The following MALT1 variants were observed in gnomAD, a reference collection of about 807,000 sequenced individuals.
The protein encoded by MALT1 is mucosa-associated lymphoid tissue lymphoma translocation protein 1.
Under a neutral mutation model 85.5 loss-of-function variants are expected in MALT1, and 36 were observed. The ratio of observed to expected loss-of-function variants is 0.42; its 90% CI spans 0.32 to 0.56. The LOEUF is 0.56. Ranked by LOEUF, MALT1 falls within the 20% of genes least tolerant of loss-of-function variation. The probability of loss-of-function intolerance (pLI) is 0.10; values close to 1 mark genes in which losing one functional copy is unlikely to be tolerated. For missense variants in MALT1, 716 were observed against 981.6 expected (o/e 0.73, Z 3.62); for synonymous variants, 359 against 361.3 (o/e 0.99, Z 0.07).
In MALT1 at chr18:58,753,729, T is replaced by C. The variant is rs1266287044; in HGVS notation, c.*5887T>C. 1 of 152,246 alleles carries C rather than the reference T, an allele frequency of 6.6e-6. No homozygotes were observed. Among genetic ancestry groups the C allele is most frequent in the African/African-American group, 2.4e-5 (1 of 41,474 alleles). 9.4% of individuals were successfully genotyped at this position (152,246 alleles called of 1,614,324 possible). A position where few individuals can be genotyped will look rare whatever the true frequency, so the allele number is the denominator to read the frequency against. ...TTTTACACAGTGAACAATGACTGTA[T>C]AATTTTAAAATACAGATATGCACAA... is the stretch of plus-strand genomic sequence containing the variant. On this transcript the variant is annotated 3_prime_UTR_variant, in exon 17 of 17. Coordinates refer to ENST00000649217, the MANE Select transcript of MALT1 (RefSeq NM_006785.4).
chr18:58,745,175 TG>T (rs201534704), intron 15 of MALT1, among the ~76,000 whole-genome samples: 1 of 152,188 alleles, frequency 6.6e-6, no homozygotes, highest in African/African-American at 2.4e-5. Context: ...CTGAGCAAGC[TG>T]GGGGCCTGTG....
intron 13 of MALT1, among the ~76,000 whole-genome samples, chr18:58,740,323 A>G (rs77267911): frequency 0.055 from 8,437 of 152,036 alleles, 242 homozygotes; most frequent in East Asian, 0.071. Context: ...ATTGTTTTCT[A>G]CATCATTAAC....
chr18:58,732,236 G>T (rs772703668), intron 10 of MALT1, among the ~76,000 whole-genome samples: 1 of 152,080 alleles, frequency 6.6e-6, no homozygotes, highest in African/African-American at 2.4e-5. Flanking sequence ...CAAGCAGAGG[G>T]GAGGATATCT....
intron 4 of MALT1, among the ~76,000 whole-genome samples, chr18:58,707,397 T>A (rs1484839944): frequency 6.6e-6 from 1 of 152,026 alleles, no homozygotes; most frequent in Non-Finnish European, 1.5e-5. Context: ...TGGTTTATTT[T>A]AGAAATGTGA....
rs548153856 is a variant in MALT1 at position 58,717,050 on chromosome 18, G to T, written c.1018+1083G>T. 2.0e-4 allele frequency among the ~76,000 whole-genome samples: 31 copies of T among 152,220 alleles called. No individual in the cohort carries two copies. In the East Asian group the frequency reaches 4.2e-3, roughly 21 times the overall value. On this transcript the variant is annotated intron_variant, in intron 9 of 16. Transcript: ENST00000649217. Reference sequence around the variant, plus strand: ...GTTTTTTGTTTCTAAGTAATTAGGCGTAGTAATATGCTTAAAAGATTGAGG... The same window carrying T: ...GTTTTTTGTTTCTAAGTAATTAGGCTTAGTAATATGCTTAAAAGATTGAGG...
chr18:58,714,679 A>G (rs865960306), intron 8 of MALT1, among the ~76,000 whole-genome samples: 1 of 152,076 alleles, frequency 6.6e-6, no homozygotes, highest in African/African-American at 2.4e-5. Context: ...TTTAATTAGA[A>G]CAGATTTCTA....
intron 9 of MALT1, among the ~76,000 whole-genome samples, chr18:58,720,207 T>C (rs1212020481): frequency 1.3e-5 from 2 of 152,244 alleles, no homozygotes; most frequent in African/African-American, 4.8e-5. Context: ...AGAAAAACTC[T>C]TTCATTTATG....
rs1452799475 is a variant in MALT1 at position 58,748,022 on chromosome 18, T to A, written c.*180T>A. ...AAATTACATTATTTAATTACAGACT[T>A]CCTCTTTCTAAGATTTTGTGAATTG... is the stretch of plus-strand genomic sequence containing the variant. On this transcript the variant is annotated 3_prime_UTR_variant, in exon 17 of 17. Transcript: ENST00000649217. 1.7e-6 allele frequency: 1 copy of A among 582,066 alleles called. No homozygotes were observed. The highest frequency in any genetic ancestry group is 2.9e-5 in the East Asian group (1 of 34,714). 36.1% of individuals were successfully genotyped at this position (582,066 alleles called of 1,614,324 possible). A position where few individuals can be genotyped will look rare whatever the true frequency, so the allele number is the denominator to read the frequency against.
chr18:58,724,045 T>A (rs1472352007), intron 10 of MALT1, among the ~76,000 whole-genome samples: 1 of 152,206 alleles, frequency 6.6e-6, no homozygotes, highest in Non-Finnish European at 1.5e-5. Flanking sequence ...AAGTGACATT[T>A]CCAGGCCTGT....
At chr18:58,729,484 C>A (rs1158535151) in intron 10 of MALT1, among the ~76,000 whole-genome samples, 2 of 107,418 alleles carry the variant, frequency 1.9e-5, no homozygotes, top group Non-Finnish European at 4.0e-5. Flanking sequence ...AGTGAAACTC[C>A]GTCTCAAAAA....
intron 9 of MALT1, among the ~76,000 whole-genome samples, chr18:58,716,362 G>T (rs1420761757): frequency 6.6e-6 from 1 of 152,218 alleles, no homozygotes. Context: ...AAAGAGAAAA[G>T]AATTTAGGAT....
chr18:58,683,779 T>C (rs376215947), intron 2 of MALT1, among the ~76,000 whole-genome samples: 1 of 152,352 alleles, frequency 6.6e-6, no homozygotes. Flanking sequence ...CTGATGATAT[T>C]TGGCTTACAG....
rs1285215406 is a variant in MALT1 at position 58,748,302 on chromosome 18, G to A, written c.*460G>A. The A allele has an allele frequency of 1.9e-5, 4 of 210,982 alleles. No individual in the cohort carries two copies. The highest frequency in any genetic ancestry group is 9.1e-5 in the African/African-American group (4 of 43,910). 13.1% of individuals were successfully genotyped at this position (210,982 alleles called of 1,614,324 possible). ...CTGAGACCTCCAGAAATCTATTCCA[G>A]TATTTTTTCCACTACACAACTGCCT... On this transcript the variant is annotated 3_prime_UTR_variant, in exon 17 of 17. Coordinates refer to ENST00000649217, the MANE Select transcript of MALT1 (RefSeq NM_006785.4).
At chr18:58,685,557 C>T (rs1335613798) in intron 2 of MALT1, among the ~76,000 whole-genome samples, 1 of 152,154 alleles carries the variant, frequency 6.6e-6, no homozygotes, top group Non-Finnish European at 1.5e-5. Context: ...GTGATGAGGA[C>T]CCAGCTTCAG....
intron 3 of MALT1, among the ~76,000 whole-genome samples, chr18:58,699,841 C>G (rs917313036): frequency 6.6e-6 from 1 of 152,210 alleles, no homozygotes; most frequent in Middle Eastern, 3.2e-3. Flanking sequence ...GAGGTGGGGA[C>G]TGTGGATGGC....
chr18:58,701,148 T>C (rs1049375359), intron 4 of MALT1, among the ~76,000 whole-genome samples: 1 of 61,154 alleles, frequency 1.6e-5, no homozygotes, highest in South Asian at 8.5e-4. Flanking sequence ...CACACACACA[T>C]ATATGTGTGT....
chr18:58,705,154 T>G (rs1186789757), intron 4 of MALT1, among the ~76,000 whole-genome samples: 2 of 152,184 alleles, frequency 1.3e-5, no homozygotes, highest in African/African-American at 4.8e-5. Flanking sequence ...TCTAACTTAT[T>G]GTAGTAAACC....
At chr18:58,698,394 C>T (rs761278716) in intron 3 of MALT1, among the ~76,000 whole-genome samples, 3 of 152,248 alleles carry the variant, frequency 2.0e-5, no homozygotes, top group East Asian at 1.9e-4. Flanking sequence ...CATAAACTTG[C>T]GGCTTGAAGG....
intron 1 of MALT1, among the ~76,000 whole-genome samples, chr18:58,676,847 C>G (rs1383010854): frequency 6.6e-6 from 1 of 152,008 alleles, no homozygotes; most frequent in African/African-American, 2.4e-5. Context: ...AGAAATAGAT[C>G]AAATTAATGA....
Sources: gnomAD v4.1 joint callset for allele counts (sites outside exome capture counted in the v4.1 genomes callset) on GRCh38, gnomAD v4.1.1 for gene constraint, MANE v1.5 for transcripts, NCBI Gene and HGNC (gene_info 2026-07-23, HGNC 2026-07-21) for gene names.